Variants in CASD1 observed in about 807,000 individuals in gnomAD.
The protein encoded by CASD1 is N-acetylneuraminate (7)9-O-acetyltransferase.
CASD1 carries 41 observed loss-of-function variants against 100.0 expected under a neutral mutation model. That is an observed-to-expected ratio of 0.41 (90% CI 0.32 to 0.53). The LOEUF (loss-of-function observed/expected upper bound fraction) is 0.53. Ranked by LOEUF, CASD1 falls within the 20% of genes least tolerant of loss-of-function variation. CASD1 has a pLI of 0.25. For synonymous variants in CASD1, 321 were observed against 315.6 expected, an observed-to-expected ratio of 1.02 and a Z score of -0.18; for missense variants, 774 against 948.7, an observed-to-expected ratio of 0.82 and a Z score of 2.42.
intron 17 of CASD1, 57 bp from the exon 18 acceptor site, chr7:94,555,435 C>A (rs1796154592): frequency 2.0e-6 from 3 of 1,516,598 alleles, no homozygotes; most frequent in Non-Finnish European, 2.7e-6. Flanking sequence ...TTAGGGAAAA[C>A]TGTAATTTAT....
the CASD1 span, chr7:94,626,882 A>C: frequency 3.9e-5 from 6 of 151,936 alleles, no homozygotes; most frequent in Admixed American, 3.9e-4. Flanking sequence ...GCCAAGAGCT[A>C]TTTTTTCTTA....
intron 6 of CASD1, among the ~76,000 whole-genome samples, 167 bp from the exon 7 acceptor site, chr7:94,533,511 TC>T (rs1406145638): frequency 6.6e-6 from 1 of 152,202 alleles, no homozygotes; most frequent in African/African-American, 2.4e-5. Flanking sequence ...AACAGCTTTT[TC>T]TAATTGCTTT....
chr7:94,537,805 G>A lies in CASD1; in HGVS notation c.1177G>A (p.Glu393Lys), dbSNP rs1225897917. 15 of 1,608,322 alleles carry A rather than the reference G, an allele frequency of 9.3e-6. No homozygotes were observed. The highest frequency in any genetic ancestry group is 1.2e-5 in the Non-Finnish European group (14 of 1,175,122). Reference protein sequence around the residue: ...MCDRANLFMKENKFYTHSSFF... With the variant: ...MCDRANLFMKKNKFYTHSSFF... ...TGACCGTGCAAATCTGTTCATGAAG[G>A]AAAACAAATTTTATACACATTCATC... Residue 393 changes from glutamate (E) to lysine (K), a missense_variant, in exon 9 of 18, where the codon GAA becomes AAA. Transcript: ENST00000297273.
chr7:94,596,593 A>C, the CASD1 span, among the ~76,000 whole-genome samples: 3 of 152,148 alleles, frequency 2.0e-5, no homozygotes, highest in East Asian at 5.8e-4. Context: ...TTGTAGCTTA[A>C]AAAACAGAGA....
chr7:94,556,522 A>C lies in CASD1; in HGVS notation c.*764A>C, dbSNP rs1584443160. The C allele has an allele frequency of 6.6e-6, 1 of 152,170 alleles. No individual in the cohort carries two copies. Among genetic ancestry groups the C allele is most frequent in the East Asian group, 1.9e-4 (1 of 5,176 alleles). 9.4% of individuals were successfully genotyped at this position (152,170 alleles called of 1,614,324 possible). ...CCTTTCCTCAAGCTATACCAGTGTA[A>C]TACCAGTTACCCTGTGGATCCATTT... On this transcript the variant is annotated 3_prime_UTR_variant, in exon 18 of 18. Coordinates refer to ENST00000297273, the MANE Select transcript of CASD1 (RefSeq NM_022900.5).
At chr7:94,538,144 A>G (rs1455668633) in intron 9 of CASD1, among the ~76,000 whole-genome samples, 1 of 152,174 alleles carries the variant, frequency 6.6e-6, no homozygotes, top group Admixed American at 6.5e-5. Flanking sequence ...AAAAGATTTC[A>G]TGACTTAGTG....
chr7:94,520,313 C>T (rs1053651439), intron 3 of CASD1, among the ~76,000 whole-genome samples: 4 of 152,168 alleles, frequency 2.6e-5, no homozygotes, highest in South Asian at 4.1e-4. Flanking sequence ...TATTTAAAGC[C>T]TGGTATGGGT....
In CASD1 at chr7:94,517,538, CTGT is replaced by C. The variant is rs1295745038; in HGVS notation, c.134-18_134-16del. The C allele has an allele frequency of 2.0e-6, 3 of 1,471,646 alleles. No individual in the cohort carries two copies. The highest frequency in any genetic ancestry group is 2.8e-6 in the Non-Finnish European group (3 of 1,060,082). 91.2% of individuals were successfully genotyped at this position (1,471,646 alleles called of 1,614,324 possible). A position where few individuals can be genotyped will look rare whatever the true frequency, so the allele number is the denominator to read the frequency against. On this transcript the variant is annotated intron_variant, in intron 1 of 17. Coordinates refer to ENST00000297273, the MANE Select transcript of CASD1 (RefSeq NM_022900.5). ...AAAATTTTAACTATTGTTTACAACA[CTGT>C]TGTGTTTAACTGTTTTAGGCAATGA...
chr7:94,579,919 A>G, the CASD1 span, among the ~76,000 whole-genome samples: 1 of 152,206 alleles, frequency 6.6e-6, no homozygotes, highest in African/African-American at 2.4e-5. Flanking sequence ...ACTATTGTCT[A>G]TCACAATGGA....
chr7:94,585,500 C>G, the CASD1 span: 1 of 1,605,908 alleles, frequency 6.2e-7, no homozygotes, highest in Non-Finnish European at 8.5e-7. Context: ...TTTCTTTCTT[C>G]AGGGATACCA....
At chr7:94,522,648 AATT>A (rs1481922527) in intron 3 of CASD1, among the ~76,000 whole-genome samples, 1 of 151,790 alleles carries the variant, frequency 6.6e-6, no homozygotes, top group Non-Finnish European at 1.5e-5. Context: ...GGAACTTTTT[AATT>A]ATTTTTATTT....
chr7:94,563,493 G>A, the CASD1 span, among the ~76,000 whole-genome samples: 1 of 151,812 alleles, frequency 6.6e-6, no homozygotes, highest in Non-Finnish European at 1.5e-5. Flanking sequence ...TGCAACTTAA[G>A]GGCTTGTCTT....
At chr7:94,536,116 G>A (rs1387846215) in intron 8 of CASD1, among the ~76,000 whole-genome samples, 5 of 151,984 alleles carry the variant, frequency 3.3e-5, no homozygotes, top group South Asian at 2.1e-4. Flanking sequence ...GGTGGCACAC[G>A]CTTGTAATCC....
At chr7:94,593,248 G>C in the CASD1 span, among the ~76,000 whole-genome samples, 1 of 152,054 alleles carries the variant, frequency 6.6e-6, no homozygotes, top group Non-Finnish European at 1.5e-5. Context: ...TGTTTTGAGA[G>C]AGACCCAATT....
At chr7:94,538,046 A>T (rs1235814691) in intron 9 of CASD1, 152 bp downstream of exon 9, 2 of 572,528 alleles carry the variant, frequency 3.5e-6, no homozygotes, top group Non-Finnish European at 6.1e-6. Flanking sequence ...CACTTAGTGG[A>T]CTCTTAACTG....
At chr7:94,573,370 T>C in the CASD1 span, among the ~76,000 whole-genome samples, 23 of 152,194 alleles carry the variant, frequency 1.5e-4, no homozygotes, top group Non-Finnish European at 1.6e-4. Context: ...CATGGGAAGT[T>C]TTTCCATTTG....
In CASD1 at chr7:94,552,422, G is replaced by A. The variant is rs370344574; in HGVS notation, c.2029G>A (p.Val677Ile). The A allele has an allele frequency of 6.2e-7, 1 of 1,602,346 alleles. No individual in the cohort carries two copies. Among genetic ancestry groups the A allele is most frequent in the Non-Finnish European group, 8.5e-7 (1 of 1,175,726 alleles). The change falls in exon 16 of 18, where the codon GTA becomes ATA. Residue 677 changes from valine (V) to isoleucine (I), a missense_variant. Val to Ile is a conservative substitution (Grantham distance 29). Coordinates refer to ENST00000297273, the MANE Select transcript of CASD1 (RefSeq NM_022900.5). Reference sequence around the variant, plus strand: ...TGAACTCCATCCGTCTGTTTCTGTGGTACAGGTACTATCTTGATTTAGAGA... The same window carrying A: ...TGAACTCCATCCGTCTGTTTCTGTGATACAGGTACTATCTTGATTTAGAGA... The part of the protein sequence containing the change: ...CNELHPSVSV[V>I]QILAFILIRN...
chr7:94,623,876 A>C, the CASD1 span: 1 of 357,362 alleles, frequency 2.8e-6, no homozygotes, highest in Non-Finnish European at 5.0e-6. Flanking sequence ...AAATGTCATA[A>C]ATAACCCTTT....
At chr7:94,544,712 AAG>A (rs1355021069) in intron 11 of CASD1, among the ~76,000 whole-genome samples, 182 bp downstream of exon 11, 4 of 152,112 alleles carry the variant, frequency 2.6e-5, no homozygotes, top group Non-Finnish European at 5.9e-5. Flanking sequence ...TTATTAGTGA[AAG>A]AAGGAAAATA....
Sources: gnomAD v4.1 joint callset for allele counts (sites outside exome capture counted in the v4.1 genomes callset) on GRCh38, gnomAD v4.1.1 for gene constraint, MANE v1.5 for transcripts, NCBI Gene and HGNC (gene_info 2026-07-23, HGNC 2026-07-21) for gene names.